Variants in ARHGEF16 observed in about 807,000 individuals in gnomAD.
ARHGEF16 encodes the protein Rho guanine exchange factor (GEF) 16.
Under a neutral mutation model 74.1 loss-of-function variants are expected in ARHGEF16, and 59 were observed. The observed-to-expected ratio is 0.80, with a 90% CI of 0.65 to 0.99. The LOEUF (loss-of-function observed/expected upper bound fraction) is 0.99. ARHGEF16 is among the 50% of genes least tolerant of loss of function. The probability of loss-of-function intolerance (pLI) is 0.00; values close to 1 mark genes in which losing one functional copy is unlikely to be tolerated. For synonymous variants in ARHGEF16, 415 were observed against 412.6 expected (o/e 1.01, Z -0.07); for missense variants, 948 against 986.6 (o/e 0.96, Z 0.52).
rs749725240 is a variant in ARHGEF16, at chr1:3,463,228, C to T, written c.144C>T (p.Ala48=). The change falls in exon 2 of 15, where the codon GCC becomes GCT. Residue 48 remains alanine (A), a synonymous_variant. Coordinates refer to ENST00000378378, the MANE Select transcript of ARHGEF16 (RefSeq NM_014448.4). ...VRGSPRVRDD[A]AFQPQVPAPP... is the part of the protein sequence containing the mutation. ...GCTCCCCGCGTGTTAGAGACGATGC[C>T]GCCTTCCAGCCCCAGGTCCCGGCAC... 6.5e-6 allele frequency: 10 copies of T among 1,547,282 alleles called. No homozygotes were observed. Among genetic ancestry groups the T allele is most frequent in the East Asian group, 4.9e-5 (2 of 40,824 alleles).
chr1:3,469,032 C>G, intron 5 of ARHGEF16, 96 bp downstream of exon 5: 2 of 1,432,486 alleles, frequency 1.4e-6, no homozygotes, highest in South Asian at 2.5e-5. Flanking sequence ...CCCAGCCATC[C>G]CTCTGCGGCC....
chr1:3,468,698 A>C, intron 4 of ARHGEF16, 182 bp from the exon 5 acceptor site: 1 of 664,702 alleles, frequency 1.5e-6, no homozygotes, highest in Non-Finnish European at 2.7e-6. Context: ...GGTTACACAG[A>C]GAGGAAGGTG....
At chr1:3,465,498 G>A (rs2100739711) in intron 2 of ARHGEF16, among the ~76,000 whole-genome samples, 1 of 152,314 alleles carries the variant, frequency 6.6e-6, no homozygotes, top group Admixed American at 6.5e-5. Flanking sequence ...GGCTGAGGGT[G>A]CCAGGCCAGG....
chr1:3,473,866 C>T (rs750395263), intron 8 of ARHGEF16: 18 of 378,040 alleles, frequency 4.8e-5, no homozygotes, highest in Non-Finnish European at 7.3e-5. Flanking sequence ...TCCTCCTAGA[C>T]GTGGTAGCCC....
rs773948878 is a variant in ARHGEF16 at position 3,463,150 on chromosome 1, G to A, written c.66G>A (p.Glu22=). 6.0e-6 allele frequency: 9 copies of A among 1,500,860 alleles called. No individual in the cohort carries two copies. Among genetic ancestry groups the A allele is most frequent in the South Asian group, 1.3e-5 (1 of 77,888 alleles). 93.0% of individuals were successfully genotyped at this position (1,500,860 alleles called of 1,614,324 possible). Reference sequence around the variant, plus strand: ...TCCTGGGACACCGCTTCCACTCGGAGCTCCGGCTCGATGCCGGGGGGAACC... The same window carrying A: ...TCCTGGGACACCGCTTCCACTCGGAACTCCGGCTCGATGCCGGGGGGAACC... The part of the protein sequence containing the change: ...EKLLGHRFHS[E]LRLDAGGNPA... The change falls in exon 2 of 15, where the codon GAG becomes GAA. Residue 22 remains glutamate, a synonymous_variant. Coordinates refer to ENST00000378378, the MANE Select transcript of ARHGEF16 (RefSeq NM_014448.4).
In ARHGEF16 at chr1:3,480,641, C is replaced by G; in HGVS notation, c.*54C>G. The G allele has an allele frequency of 6.3e-7, 1 of 1,582,514 alleles. No homozygotes were observed. The highest frequency in any genetic ancestry group is 2.2e-5 in the East Asian group (1 of 44,562). ...AGCCTGTCTCCAATCAGCAAGTGGT[C>G]GTGCCTGGCTCTAGAGAGCGTGGGG... On this transcript the variant is annotated 3_prime_UTR_variant, in exon 15 of 15. Transcript: ENST00000378378.
chr1:3,480,827 C>T lies in ARHGEF16; in HGVS notation c.*240C>T. The T allele has an allele frequency of 1.7e-6, 1 of 577,136 alleles. No individual in the cohort carries two copies. The highest frequency in any genetic ancestry group is 3.1e-5 in the East Asian group (1 of 32,690). The allele number at this position is 577,136 out of a possible 1,614,324, so 35.8% of individuals were successfully genotyped here. A position where few individuals can be genotyped will look rare whatever the true frequency, so the allele number is the denominator to read the frequency against. On this transcript the variant is annotated 3_prime_UTR_variant, in exon 15 of 15. Transcript: ENST00000378378. ...CACACCGTGTCCCAGGGAGCCCAGC[C>T]TATTCCCGTTGGCTGGCTGGGCCCC...
intron 9 of ARHGEF16, 135 bp from the exon 10 acceptor site, chr1:3,475,835 G>T: frequency 1.3e-6 from 1 of 742,930 alleles, no homozygotes. Context: ...TGAGCCCGTG[G>T]CACGGCTGGT....
Position 3,478,089 on chromosome 1 carries a change from G to C in ARHGEF16, c.1625+63G>C, listed in dbSNP as rs961556139. ...CATGGACACTGGACCGCTGGCCCTGGGGCAGGAGGGTACAGGGAGTTGGCC... is the reference window on the plus strand; with the variant it reads ...CATGGACACTGGACCGCTGGCCCTGCGGCAGGAGGGTACAGGGAGTTGGCC... On this transcript the variant is annotated intron_variant, in intron 11 of 14. Transcript: ENST00000378378. 140 of 1,606,974 alleles carry C rather than the reference G, an allele frequency of 8.7e-5. 1 individual carries two copies. Among genetic ancestry groups the C allele is most frequent in the Non-Finnish European group, 3.8e-5 (45 of 1,175,938 alleles).
In ARHGEF16 at chr1:3,463,306, C is replaced by G; in HGVS notation, c.222C>G (p.Ser74Arg). The change falls in exon 2 of 15, where the codon AGC becomes AGG. Residue 74 changes from serine to arginine, a missense_variant. By Grantham distance (110) the Ser-to-Arg change is moderately radical. Transcript: ENST00000378378. The part of the protein sequence containing the change: ...GHEEPWPIVL[S>R]TESPAALKLG... Reference sequence around the variant, plus strand: ...AGGAGCCATGGCCCATCGTCCTGAGCACAGAGAGCCCGGCGGCCCTCAAGC... The same window carrying G: ...AGGAGCCATGGCCCATCGTCCTGAGGACAGAGAGCCCGGCGGCCCTCAAGC... The G allele has an allele frequency of 6.5e-7, 1 of 1,550,200 alleles. No individual in the cohort carries two copies. Among genetic ancestry groups the G allele is most frequent in the Non-Finnish European group, 8.7e-7 (1 of 1,146,880 alleles).
intron 5 of ARHGEF16, 43 bp downstream of exon 5, chr1:3,468,979 G>A: frequency 6.5e-7 from 1 of 1,547,758 alleles, no homozygotes; most frequent in Non-Finnish European, 8.7e-7. Context: ...CATGGCCTGG[G>A]CCATGCAACA....
At position 3,464,592 on chromosome 1, in the gene ARHGEF16, C is replaced by T. The variant is rs534713560; in HGVS notation, c.588+920C>T. Among the ~76,000 whole-genome samples, 1,257 of 152,264 alleles carry T rather than the reference C, an allele frequency of 8.3e-3. 21 individuals are homozygous for T. The highest frequency in any genetic ancestry group is 0.029 in the African/African-American group (1,200 of 41,536). Reference sequence around the variant, plus strand: ...GCAGATGCAGGGCTGGCCCCAGGGGCGTCCTTCTTGTTGGGCGCCTTGCTC... The same window carrying T: ...GCAGATGCAGGGCTGGCCCCAGGGGTGTCCTTCTTGTTGGGCGCCTTGCTC... On this transcript the variant is annotated intron_variant, in intron 2 of 14. Transcript: ENST00000378378.
Position 3,469,419 on chromosome 1 carries a change from G to A in ARHGEF16, c.862-14G>A, listed in dbSNP as rs779206431. ...CAGCGTCACTGTGGGGCTCACCTAG[G>A]CCCCTCTCCACAGGCCATGTTCGAG... is the stretch of plus-strand genomic sequence containing the variant. On this transcript the variant is annotated splice_polypyrimidine_tract_variant and intron_variant, in intron 5 of 14. Transcript: ENST00000378378. 6.2e-7 allele frequency: 1 copy of A among 1,612,470 alleles called. No homozygotes were observed. The highest frequency in any genetic ancestry group is 1.1e-5 in the South Asian group (1 of 91,066).
Position 3,463,527 on chromosome 1 carries a change from A to AC in ARHGEF16, c.445dup (p.Leu149ProfsTer28). Reference sequence around the variant, plus strand: ...GACCCCGGGGGCATGCTGAGGCGGAACCTGCGGAACCAATCCTACCGGGCG... The same window carrying AC: ...GACCCCGGGGGCATGCTGAGGCGGAACCCTGCGGAACCAATCCTACCGGGCG... On this transcript the variant is annotated frameshift_variant, in exon 2 of 15. Transcript: ENST00000378378. LOFTEE classifies it high-confidence loss of function. 1 of 1,472,818 alleles carries AC rather than the reference A, an allele frequency of 6.8e-7. No individual in the cohort carries two copies. Among genetic ancestry groups the AC allele is most frequent in the Non-Finnish European group, 9.0e-7 (1 of 1,109,220 alleles). The allele number at this position is 1,472,818 out of a possible 1,614,324, so 91.2% of individuals were successfully genotyped here. A position where few individuals can be genotyped will look rare whatever the true frequency, so the allele number is the denominator to read the frequency against.
chr1:3,465,161 C>G (rs887433745), intron 2 of ARHGEF16, among the ~76,000 whole-genome samples: 3 of 152,260 alleles, frequency 2.0e-5, no homozygotes, highest in African/African-American at 7.2e-5. Flanking sequence ...TTATTTCATG[C>G]AGTCAGCAGA....
chr1:3,478,713 C>G (rs1639969166), intron 12 of ARHGEF16, 101 bp downstream of exon 12: 1 of 1,339,972 alleles, frequency 7.5e-7, no homozygotes. Context: ...ATGGCTGGCT[C>G]TGAACGCCCA....
chr1:3,474,807 C>G lies in ARHGEF16; in HGVS notation c.1380+25C>G, dbSNP rs1315840362. On this transcript the variant is annotated intron_variant, in intron 9 of 14. Transcript: ENST00000378378. Reference sequence around the variant, plus strand: ...GGTAAGATGGGGCCTGGCCCCAGCCCTACCCGAGTCCTGTACCCCGACCCT... The same window carrying G: ...GGTAAGATGGGGCCTGGCCCCAGCCGTACCCGAGTCCTGTACCCCGACCCT... 3 of 1,608,664 alleles carry G rather than the reference C, an allele frequency of 1.9e-6. No individual in the cohort carries two copies. The Admixed American group carries it at 5.0e-5, about 27-fold the overall frequency.
chr1:3,461,342 A>G (rs1406801311), intron 1 of ARHGEF16, among the ~76,000 whole-genome samples: 1 of 152,224 alleles, frequency 6.6e-6, no homozygotes, highest in Non-Finnish European at 1.5e-5. Context: ...CAGGCCTGTT[A>G]CACGCTTTGC....
At position 3,473,455 on chromosome 1, in the gene ARHGEF16, G is replaced by C. The variant is rs1347656135; in HGVS notation, c.1238G>C (p.Gly413Ala). ...REIERRPACGGLPMLSFLILP... is the reference protein window; with the variant it reads ...REIERRPACGALPMLSFLILP... ...ATTGAGAGGCGGCCGGCGTGCGGGG[G>C]CCTGCCCATGCTCTCCTTCCTGATC... Residue 413 changes from glycine to alanine, a missense_variant, in exon 8 of 15, where the codon GGC becomes GCC. Physicochemically the swap from Gly to Ala is moderately conservative, Grantham distance 60. Transcript: ENST00000378378. 2 of 1,612,400 alleles carry C rather than the reference G, an allele frequency of 1.2e-6. No individual in the cohort carries two copies. Among genetic ancestry groups the C allele is most frequent in the East Asian group, 2.2e-5 (1 of 44,880 alleles).
Sources: gnomAD v4.1 joint callset for allele counts (sites outside exome capture counted in the v4.1 genomes callset) on GRCh38, gnomAD v4.1.1 for gene constraint, MANE v1.5 for transcripts, NCBI Gene and HGNC (gene_info 2026-07-23, HGNC 2026-07-21) for gene names.